Variants in GALNT18 observed in about 807,000 individuals in gnomAD.
The protein encoded by GALNT18 is polypeptide N-acetylgalactosaminyltransferase 18, also known as GalNAc-transferase 18.
GALNT18 carries 44 observed loss-of-function variants against 69.5 expected under a neutral mutation model. The observed-to-expected ratio is 0.63, with a 90% CI of 0.50 to 0.81. The LOEUF (loss-of-function observed/expected upper bound fraction) is 0.81, where lower values mean the gene tolerates loss of function less well. Ranked by LOEUF, GALNT18 falls within the 40% of genes least tolerant of loss-of-function variation. The pLI is 0.00. For synonymous variants in GALNT18, 364 were observed against 318.2 expected (o/e 1.14, Z -1.53); for missense variants, 715 against 810.0 (o/e 0.88, Z 1.42).
At chr11:11,295,554 G>A (rs1256796465) in intron 9 of GALNT18, among the ~76,000 whole-genome samples, 1 of 152,252 alleles carries the variant, frequency 6.6e-6, no homozygotes, top group Admixed American at 6.5e-5. Context: ...TCAATCTCAT[G>A]CTAGGTCAGG....
intron 6 of GALNT18, among the ~76,000 whole-genome samples, chr11:11,343,381 A>AATAAT (rs1850246159): frequency 1.3e-5 from 2 of 151,808 alleles, no homozygotes; most frequent in Non-Finnish European, 2.9e-5. Flanking sequence ...ATAATAATAA[A>AATAAT]AAAAAGGAAG....
intron 2 of GALNT18, among the ~76,000 whole-genome samples, chr11:11,438,160 G>C (rs1855453678): frequency 6.6e-6 from 1 of 152,220 alleles, no homozygotes; most frequent in South Asian, 2.1e-4. Context: ...CATGGGACTA[G>C]CTTGATTATC....
intron 3 of GALNT18, among the ~76,000 whole-genome samples, chr11:11,418,000 C>T (rs114026781): frequency 6.6e-4 from 101 of 152,376 alleles, no homozygotes; most frequent in African/African-American, 2.3e-3. Context: ...ATATACCAGC[C>T]TGAAGGCGGG....
chr11:11,276,892 G>A (rs1284028051), intron 10 of GALNT18, among the ~76,000 whole-genome samples: 5 of 152,202 alleles, frequency 3.3e-5, no homozygotes, highest in Non-Finnish European at 7.3e-5. Flanking sequence ...GCTTTTTGAT[G>A]TGCTGCTGGA....
intron 10 of GALNT18, among the ~76,000 whole-genome samples, chr11:11,272,913 G>C (rs1848856659): frequency 6.6e-6 from 1 of 152,214 alleles, no homozygotes; most frequent in Non-Finnish European, 1.5e-5. Context: ...GACATCTCAA[G>C]AGAGTGTTAA....
At chr11:11,282,335 A>C (rs1379864204) in intron 10 of GALNT18, among the ~76,000 whole-genome samples, 10 of 152,212 alleles carry the variant, frequency 6.6e-5, no homozygotes. Flanking sequence ...AGATGAGAGG[A>C]ATAACAACTA....
At chr11:11,297,132 T>A (rs142337862) in intron 9 of GALNT18, among the ~76,000 whole-genome samples, 58 of 152,204 alleles carry the variant, frequency 3.8e-4, no homozygotes, top group Non-Finnish European at 6.5e-4. Context: ...AGGAGGTGTC[T>A]AGTGGCTGGT....
intron 1 of GALNT18, among the ~76,000 whole-genome samples, chr11:11,464,710 G>A (rs901380283): frequency 1.2e-4 from 19 of 152,232 alleles, no homozygotes; most frequent in Admixed American, 1.2e-3. Context: ...TAGCCTAGCG[G>A]GGAAGTGCCA....
At chr11:11,307,104 G>A (rs1158811188) in intron 9 of GALNT18, among the ~76,000 whole-genome samples, 6 of 152,184 alleles carry the variant, frequency 3.9e-5, no homozygotes, top group Non-Finnish European at 5.9e-5. Flanking sequence ...AGATGCCTGA[G>A]TCAGCCCAGC....
chr11:11,415,267 A>G lies in GALNT18; in HGVS notation c.595+17354T>C, dbSNP rs1854829717. Among the ~76,000 whole-genome samples the G allele has an allele frequency of 6.6e-6, 1 of 152,074 alleles. No homozygotes were observed. The highest frequency in any genetic ancestry group is 1.5e-5 in the Non-Finnish European group (1 of 68,016). ...GTCAGCCAATTCCCCTCACAGCAGG[A>G]CTCAGATTAGTATTTGCTTGAATAA... On this transcript the variant is annotated intron_variant, in intron 3 of 10. Coordinates refer to ENST00000227756, the MANE Select transcript of GALNT18 (RefSeq NM_198516.3). This position sits in a 1 kb window ranked among gnomAD's most constrained non-coding sequence, Gnocchi z 4.1.
intron 9 of GALNT18, among the ~76,000 whole-genome samples, chr11:11,301,856 C>T (rs923122529): frequency 1.3e-5 from 2 of 152,158 alleles, no homozygotes; most frequent in African/African-American, 4.8e-5. Context: ...GACAGACATG[C>T]AGGAGGATGG....
chr11:11,342,100 T>C (rs1229911348), intron 6 of GALNT18, among the ~76,000 whole-genome samples: 2 of 152,182 alleles, frequency 1.3e-5, no homozygotes, highest in Non-Finnish European at 1.5e-5. Flanking sequence ...TACCTGCTTA[T>C]AGGTCAGCCT....
In GALNT18 at chr11:11,461,418, C is replaced by A. The variant is rs116895225; in HGVS notation, c.236-12482G>T. Among the ~76,000 whole-genome samples the A allele has an allele frequency of 1.3e-5, 2 of 152,308 alleles. No homozygotes were observed. The highest frequency in any genetic ancestry group is 2.1e-4 in the South Asian group (1 of 4,818). Reference sequence around the variant, plus strand: ...ACTATATAAAGTACATGTGAAAAAACTCATTTTAGAGAGTGACAAATGTCT... The same window carrying A: ...ACTATATAAAGTACATGTGAAAAAAATCATTTTAGAGAGTGACAAATGTCT... On this transcript the variant is annotated intron_variant, in intron 1 of 10. Transcript: ENST00000227756. This position sits in a 1 kb window ranked among gnomAD's most constrained non-coding sequence, Gnocchi z 4.1.
At position 11,436,532 on chromosome 11, in the gene GALNT18, G is replaced by T. The variant is rs1382587739; in HGVS notation, c.429-3745C>A. Among the ~76,000 whole-genome samples, 1 of 152,064 alleles carries T rather than the reference G, an allele frequency of 6.6e-6. No individual in the cohort carries two copies. The highest frequency in any genetic ancestry group is 1.9e-4 in the East Asian group (1 of 5,168). On this transcript the variant is annotated intron_variant, in intron 2 of 10. Transcript: ENST00000227756. This position sits in a 1 kb window ranked among gnomAD's most constrained non-coding sequence, Gnocchi z 4.5. ...AGACTGGCCTTGCTCACAGCCTCCT[G>T]CCCACTGCCTCACACCATGATGCAA... is the stretch of plus-strand genomic sequence containing the variant.
intron 1 of GALNT18, among the ~76,000 whole-genome samples, chr11:11,510,634 G>C (rs1857147560): frequency 6.6e-6 from 1 of 152,232 alleles, no homozygotes; most frequent in African/African-American, 2.4e-5. Flanking sequence ...CTGGGGCTCA[G>C]TGCAAGAAAT....
At position 11,328,161 on chromosome 11, in the gene GALNT18, T is replaced by G. The variant is rs1275263655; in HGVS notation, c.1417-980A>C. Among the ~76,000 whole-genome samples, 11 of 152,244 alleles carry G rather than the reference T, an allele frequency of 7.2e-5. No individual in the cohort carries two copies. In the East Asian group the frequency reaches 2.1e-3, roughly 29 times the overall value. On this transcript the variant is annotated intron_variant, in intron 8 of 10. Coordinates refer to ENST00000227756, the MANE Select transcript of GALNT18 (RefSeq NM_198516.3). ...ATGATGATGCACGAGGCAGACAGAA[T>G]GAGAGACAAAAGAGACCATCTTGCC...
At chr11:11,535,868 G>A (rs1054252382) in intron 1 of GALNT18, among the ~76,000 whole-genome samples, 6 of 152,208 alleles carry the variant, frequency 3.9e-5, no homozygotes, top group Non-Finnish European at 5.9e-5. Context: ...ACAGTGGCCT[G>A]CTGGCTAGAC....
chr11:11,490,359 C>A (rs912642075), intron 1 of GALNT18, among the ~76,000 whole-genome samples: 5 of 151,848 alleles, frequency 3.3e-5, no homozygotes, highest in African/African-American at 1.2e-4. Flanking sequence ...GAACTATGAG[C>A]CAATAAATCT....
intron 9 of GALNT18, among the ~76,000 whole-genome samples, chr11:11,295,420 G>C (rs1849381008): frequency 6.6e-6 from 1 of 152,090 alleles, no homozygotes; most frequent in Admixed American, 6.5e-5. Context: ...AGTGGAATGA[G>C]AGGACAGAGC....
Sources: gnomAD v4.1 joint callset for allele counts (sites outside exome capture counted in the v4.1 genomes callset) on GRCh38, gnomAD v4.1.1 for gene constraint, Gnocchi (gnomAD v3.1) non-coding constraint, MANE v1.5 for transcripts, NCBI Gene and HGNC (gene_info 2026-07-23, HGNC 2026-07-21) for gene names.